Variants in ZKSCAN7 observed in about 807,000 individuals in gnomAD.
ZKSCAN7 encodes zinc finger with KRAB and SCAN domains 7, also known as zinc finger protein with KRAB and SCAN domains 7.
In ZKSCAN7, 38 loss-of-function variants were observed where a neutral mutation model predicts 65.3. That is an observed-to-expected ratio of 0.58 (90% CI 0.45 to 0.76). ZKSCAN7 has a LOEUF of 0.76. Ranked by LOEUF, ZKSCAN7 falls within the 30% of genes least tolerant of loss-of-function variation. The probability of loss-of-function intolerance (pLI) is 0.00; values close to 1 mark genes in which losing one functional copy is unlikely to be tolerated. For missense variants in ZKSCAN7, 815 were observed against 913.3 expected (o/e 0.89, Z 1.39); for synonymous variants, 321 against 321.0 (o/e 1.00, Z 0.00).
intron 2 of ZKSCAN7, 198 bp downstream of exon 2, chr3:44,557,668 C>T (rs1469876317): frequency 5.7e-6 from 4 of 703,042 alleles, no homozygotes; most frequent in African/African-American, 3.6e-5. Context: ...CTCTGTGATT[C>T]ACCCTGTGAA....
In ZKSCAN7 at chr3:44,557,028, A is replaced by G; in HGVS notation, c.-20A>G. 3 of 1,613,784 alleles carry G rather than the reference A, an allele frequency of 1.9e-6. No homozygotes were observed. Among genetic ancestry groups the G allele is most frequent in the Non-Finnish European group, 2.5e-6 (3 of 1,179,936 alleles). ...AATCGGACCAACTGCAGCTGTAACA[A>G]GCTTCTCTTTGGGGTCACAATGACC... On this transcript the variant is annotated 5_prime_UTR_variant, in exon 2 of 6. Coordinates refer to ENST00000426540, the MANE Select transcript of ZKSCAN7 (RefSeq NM_001288590.2).
chr3:44,581,063 G>C, intron 5 of ZKSCAN7: 8 of 1,340,314 alleles, frequency 6.0e-6, no homozygotes, highest in South Asian at 3.0e-5. Flanking sequence ...AGGCCCGGCC[G>C]GCCTGGCGCT....
chr3:44,559,928 T>C, intron 2 of ZKSCAN7, among the ~76,000 whole-genome samples: 1 of 152,236 alleles, frequency 6.6e-6, no homozygotes, highest in East Asian at 1.9e-4. Context: ...GGGCCAGCCA[T>C]GGCAATGACA....
At chr3:44,577,643 G>A (rs1465274452) in intron 5 of ZKSCAN7, among the ~76,000 whole-genome samples, 2 of 152,032 alleles carry the variant, frequency 1.3e-5, no homozygotes, top group Non-Finnish European at 2.9e-5. Flanking sequence ...TGAGTGTGGG[G>A]GGTCACAGCC....
At chr3:44,556,787 G>T in intron 1 of ZKSCAN7, 143 bp from the exon 2 acceptor site, 1 of 536,654 alleles carries the variant, frequency 1.9e-6, no homozygotes, top group Non-Finnish European at 3.3e-6. Context: ...ACTTTAAGAA[G>T]GGCATCATTT....
Position 44,570,582 on chromosome 3 carries a change from G to A in ZKSCAN7, c.1472G>A (p.Gly491Glu), listed in dbSNP as rs374169022. ...RLTDHQRTHT[G>E]EKPYECNECG... is the part of the protein sequence containing the mutation. The stretch of plus-strand genomic sequence containing the variant: ...ACTGACCACCAGAGAACCCATACTG[G>A]GGAGAAACCTTATGAATGCAATGAG... Residue 491 changes from glycine to glutamate, a missense_variant, in exon 6 of 6, where the codon GGG becomes GAG. Around this residue, in one of 3 missense-constraint regions of ZKSCAN7, gnomAD observed 578 missense variants for 629.5 expected, o/e 0.92. Transcript: ENST00000426540. 4.3e-6 allele frequency: 7 copies of A among 1,614,062 alleles called. No homozygotes were observed. In the African/African-American group the frequency reaches 9.3e-5, roughly 22 times the overall value.
chr3:44,573,380 AGGTGT>A, downstream of ZKSCAN7, among the ~76,000 whole-genome samples: 1 of 152,130 alleles, frequency 6.6e-6, no homozygotes, highest in Non-Finnish European at 1.5e-5. Flanking sequence ...GATTTTTTTG[AGGTGT>A]GGTGTATGTT....
At chr3:44,580,298 C>T (rs1559434807) in intron 5 of ZKSCAN7, 3 of 1,613,854 alleles carry the variant, frequency 1.9e-6, no homozygotes, top group African/African-American at 2.7e-5. Flanking sequence ...TGGCGCTCTC[C>T]TCTTCTTTGC....
In ZKSCAN7 at chr3:44,562,838, C is replaced by T. The variant is rs188244696; in HGVS notation, c.424-2649C>T. On this transcript the variant is annotated intron_variant, in intron 2 of 5. Coordinates refer to ENST00000426540, the MANE Select transcript of ZKSCAN7 (RefSeq NM_001288590.2). ...ACAAAAAATTAGCTGGGCATGGCGG[C>T]GGGTGCCTGTAGTCCCAGCTACTCG... is the stretch of plus-strand genomic sequence containing the variant. 3.5e-4 allele frequency among the ~76,000 whole-genome samples: 53 copies of T among 152,118 alleles called. No individual in the cohort carries two copies. The East Asian group carries it at 8.9e-3, about 26-fold the overall frequency.
intron 1 of ZKSCAN7, among the ~76,000 whole-genome samples, chr3:44,555,704 T>C (rs1699270059): frequency 6.6e-6 from 1 of 152,204 alleles, no homozygotes; most frequent in Non-Finnish European, 1.5e-5. Flanking sequence ...ACTTTCTACA[T>C]ATATGGGATC....
intron 5 of ZKSCAN7, among the ~76,000 whole-genome samples, chr3:44,579,062 G>T (rs576117561): frequency 1.3e-5 from 2 of 152,320 alleles, no homozygotes; most frequent in Admixed American, 1.3e-4. Context: ...CAGGTGGACG[G>T]GGACGATGGG....
chr3:44,580,254 A>C, intron 5 of ZKSCAN7: 3 of 1,613,442 alleles, frequency 1.9e-6, no homozygotes, highest in Non-Finnish European at 2.5e-6. Context: ...CTCCCCCCGG[A>C]CTTTGCGGCC....
downstream of ZKSCAN7, among the ~76,000 whole-genome samples, chr3:44,575,714 A>T (rs898785667): frequency 4.6e-5 from 7 of 152,136 alleles, no homozygotes; most frequent in African/African-American, 1.7e-4. Flanking sequence ...AGTAGCTGGG[A>T]TTACAGGCAT....
chr3:44,573,803 A>G (rs1449177245), downstream of ZKSCAN7, among the ~76,000 whole-genome samples: 1 of 152,100 alleles, frequency 6.6e-6, no homozygotes, highest in Non-Finnish European at 1.5e-5. Flanking sequence ...CGCCTACCAC[A>G]CTAACCCTCT....
Position 44,568,414 on chromosome 3 carries a change from C to A in ZKSCAN7, c.792C>A (p.His264Gln). Residue 264 changes from histidine to glutamine, a missense_variant, in exon 5 of 6, where the codon CAC becomes CAA. His to Gln is a conservative substitution (Grantham distance 24). Around this residue, in one of 3 missense-constraint regions of ZKSCAN7, gnomAD observed 578 missense variants for 629.5 expected, o/e 0.92. Coordinates refer to ENST00000426540, the MANE Select transcript of ZKSCAN7 (RefSeq NM_001288590.2). ...AGTGGAACATGATGCCAGAAAATCA[C>A]CATAGCATGGCCTCCTTGGGTAATG... ...ALQWNMMPEN[H>Q]HSMASLAGEN... is the part of the protein sequence containing the mutation. The A allele has an allele frequency of 6.2e-7, 1 of 1,614,062 alleles. No individual in the cohort carries two copies. Among genetic ancestry groups the A allele is most frequent in the Middle Eastern group, 1.6e-4 (1 of 6,062 alleles).
chr3:44,572,185 T>C (rs1387508683), downstream of ZKSCAN7: 2 of 985,326 alleles, frequency 2.0e-6, no homozygotes, highest in Non-Finnish European at 2.4e-6. Flanking sequence ...ATCCTTAAAG[T>C]ATGCACGATC....
At chr3:44,581,119 C>G in intron 5 of ZKSCAN7, 1 of 993,360 alleles carries the variant, frequency 1.0e-6, no homozygotes, top group South Asian at 4.6e-5. Context: ...CATCCCTCGC[C>G]GGCCCTGCCA....
At position 44,557,035 on chromosome 3, in the gene ZKSCAN7, C is replaced by A; in HGVS notation, c.-13C>A. 6.2e-7 allele frequency: 1 copy of A among 1,614,084 alleles called. No homozygotes were observed. Among genetic ancestry groups the A allele is most frequent in the Non-Finnish European group, 8.5e-7 (1 of 1,180,006 alleles). On this transcript the variant is annotated 5_prime_UTR_variant, in exon 2 of 6. Coordinates refer to ENST00000426540, the MANE Select transcript of ZKSCAN7 (RefSeq NM_001288590.2). ...CCAACTGCAGCTGTAACAAGCTTCT[C>A]TTTGGGGTCACAATGACCACTGCAG...
intron 5 of ZKSCAN7, among the ~76,000 whole-genome samples, chr3:44,581,396 GAT>G (rs1432006468): frequency 1.3e-5 from 2 of 152,080 alleles, no homozygotes; most frequent in South Asian, 2.1e-4. Context: ...CAATTCTTAA[GAT>G]ATGTGAAAAA....
Sources: allele counts gnomAD v4.1 joint callset (sites outside exome capture counted in the v4.1 genomes callset), GRCh38; gene constraint gnomAD v4.1.1; regional missense constraint gnomAD v4.1.1; transcripts MANE v1.5; gene names NCBI Gene and HGNC (gene_info 2026-07-23, HGNC 2026-07-21).